The following CHL1 variants were observed in gnomAD, a reference collection of about 807,000 sequenced individuals.
CHL1 encodes the protein cell adhesion molecule L1 like.
In CHL1, 96 loss-of-function variants were observed where a neutral mutation model predicts 141.9. The ratio of observed to expected loss-of-function variants is 0.68; its 90% CI spans 0.57 to 0.80. The LOEUF (loss-of-function observed/expected upper bound fraction) is 0.80. CHL1 is among the 30% of genes least tolerant of loss of function. The pLI, the probability that CHL1 is intolerant of heterozygous loss-of-function variation, is 0.00. For missense variants in CHL1, 1,820 were observed against 1,457.2 expected (o/e 1.25, Z -4.05); for synonymous variants, 613 against 502.2 (o/e 1.22, Z -2.95).
intron 2 of CHL1, among the ~76,000 whole-genome samples, chr3:275,255 G>A (rs1370147069): frequency 6.6e-6 from 1 of 152,180 alleles, no homozygotes; most frequent in Non-Finnish European, 1.5e-5. Context: ...TTGCTAACAT[G>A]TTATGGAGGC....
At chr3:203,656 G>A (rs73814176) in intron 1 of CHL1, among the ~76,000 whole-genome samples, 3,587 of 152,312 alleles carry the variant, frequency 0.024, 145 homozygotes, top group African/African-American at 0.081. Flanking sequence ...GGAGGTGGGA[G>A]CAGTAGCTCT....
At chr3:320,261 T>C (rs1012828992) in intron 3 of CHL1, among the ~76,000 whole-genome samples, 1 of 152,060 alleles carries the variant, frequency 6.6e-6, no homozygotes, top group Non-Finnish European at 1.5e-5. Context: ...TTGGATGAAC[T>C]TTGTATTCTT....
At chr3:306,438 T>TA (rs1363298510) in intron 2 of CHL1, among the ~76,000 whole-genome samples, 1 of 152,238 alleles carries the variant, frequency 6.6e-6, no homozygotes, top group Admixed American at 6.5e-5. Flanking sequence ...TGAATTTGAA[T>TA]AAAAAATCCC....
At chr3:244,955 G>T (rs1693020426) in intron 2 of CHL1, among the ~76,000 whole-genome samples, 1 of 152,076 alleles carries the variant, frequency 6.6e-6, no homozygotes, top group Admixed American at 6.6e-5. Context: ...TGGCTGACCT[G>T]TTGGCATATT....
intron 2 of CHL1, among the ~76,000 whole-genome samples, chr3:272,387 T>C (rs1220346391): frequency 1.3e-5 from 2 of 152,214 alleles, no homozygotes; most frequent in South Asian, 2.1e-4. Context: ...GGTTTGGTAA[T>C]AGAAATACTT....
At chr3:238,398 T>A (rs1490976557) in intron 1 of CHL1, among the ~76,000 whole-genome samples, 1 of 148,436 alleles carries the variant, frequency 6.7e-6, no homozygotes, top group Non-Finnish European at 1.5e-5. Context: ...TCAATTGAGA[T>A]CAGATACATT....
rs3931064 is a variant in CHL1 at position 408,392 on chromosome 3, T to A, written c.*2681T>A. 6.6e-6 allele frequency: 1 copy of A among 152,094 alleles called. No homozygotes were observed. The highest frequency in any genetic ancestry group is 1.5e-5 in the Non-Finnish European group (1 of 68,030). 9.4% of individuals were successfully genotyped at this position (152,094 alleles called of 1,614,324 possible). On this transcript the variant is annotated 3_prime_UTR_variant, in exon 28 of 28. Transcript: ENST00000256509. ...GGGAAAATCCAAATTCTCTTCCTGG[T>A]TCCAGCACTGATTTTGTACATAAAC...
intron 2 of CHL1, among the ~76,000 whole-genome samples, chr3:284,621 T>A (rs1318298668): frequency 1.3e-5 from 2 of 152,232 alleles, no homozygotes; most frequent in Non-Finnish European, 2.9e-5. Context: ...TGATAAGAAC[T>A]AGTGATTGTT....
intron 1 of CHL1, among the ~76,000 whole-genome samples, chr3:218,949 G>A (rs753366787): frequency 9.2e-5 from 14 of 152,076 alleles, no homozygotes; most frequent in South Asian, 8.3e-4. Context: ...GATCGAGACC[G>A]TCCTGGCTAA....
At chr3:269,663 T>C (rs926453247) in intron 2 of CHL1, among the ~76,000 whole-genome samples, 1 of 152,156 alleles carries the variant, frequency 6.6e-6, no homozygotes, top group Admixed American at 6.5e-5. Flanking sequence ...GTAGCTGGGA[T>C]TACAGGCATG....
At chr3:330,907 C>A (rs1372701695) in intron 5 of CHL1, among the ~76,000 whole-genome samples, 2 of 151,974 alleles carry the variant, frequency 1.3e-5, no homozygotes, top group Non-Finnish European at 2.9e-5. Flanking sequence ...AGAAACAGAC[C>A]ATCACATGTG....
chr3:357,648 A>G (rs907616212), intron 11 of CHL1, among the ~76,000 whole-genome samples: 1 of 152,226 alleles, frequency 6.6e-6, no homozygotes, highest in Non-Finnish European at 1.5e-5. Flanking sequence ...GAAGTATGTC[A>G]GGACTAGTGT....
chr3:346,175 C>G (rs939058120), intron 9 of CHL1, among the ~76,000 whole-genome samples: 1 of 152,164 alleles, frequency 6.6e-6, no homozygotes, highest in Non-Finnish European at 1.5e-5. Context: ...GGTTTTACAG[C>G]CCCTAAGCTT....
In CHL1 at chr3:328,152, AG is replaced by A; in HGVS notation, c.198-14del. On this transcript the variant is annotated splice_polypyrimidine_tract_variant and intron_variant, in intron 4 of 27. Coordinates refer to ENST00000256509, the MANE Select transcript of CHL1 (RefSeq NM_006614.4). ...ATTATTTTTCAGGATTATTAAGTTC[AG>A]TTTTATGTTTTAGATTTTCGTGGAC... 6.3e-7 allele frequency: 1 copy of A among 1,588,128 alleles called. No homozygotes were observed. Among genetic ancestry groups the A allele is most frequent in the Middle Eastern group, 1.7e-4 (1 of 5,952 alleles).
intron 3 of CHL1, among the ~76,000 whole-genome samples, chr3:325,679 T>A (rs1700947608): frequency 1.3e-5 from 2 of 152,030 alleles, no homozygotes; most frequent in Non-Finnish European, 2.9e-5. Context: ...ATTTTTAAAT[T>A]GTGATGACAT....
Position 326,060 on chromosome 3 carries a change from C to A in CHL1, c.193C>A (p.Pro65Thr). ...ATGTGAAGCTAAAGGAAATCCAGAA[C>A]CAACGTGAGTATTGTTTCAAACGAA... ...IECEAKGNPE[P>T]TFSWTKDGNP... The change falls in exon 4 of 28, where the codon CCA (proline) becomes ACA (threonine). Residue 65 changes from proline to threonine, a missense_variant. Transcript: ENST00000256509. 1.3e-6 allele frequency: 2 copies of A among 1,598,840 alleles called. No homozygotes were observed. The highest frequency in any genetic ancestry group is 1.7e-6 in the Non-Finnish European group (2 of 1,167,242).
At chr3:364,176 C>T (rs767697148) in intron 14 of CHL1, among the ~76,000 whole-genome samples, 5 of 151,830 alleles carry the variant, frequency 3.3e-5, no homozygotes, top group Non-Finnish European at 5.9e-5. Flanking sequence ...TCCTGTTTTC[C>T]TTTTCTTTTG....
chr3:308,108 T>C (rs1478190152), intron 2 of CHL1, among the ~76,000 whole-genome samples: 2 of 152,218 alleles, frequency 1.3e-5, no homozygotes, highest in Non-Finnish European at 2.9e-5. Context: ...TTCAGATCCA[T>C]ATTTACTTTA....
chr3:297,443 G>A (rs992481956), intron 2 of CHL1, among the ~76,000 whole-genome samples: 1 of 152,100 alleles, frequency 6.6e-6, no homozygotes, highest in Non-Finnish European at 1.5e-5. Flanking sequence ...CAGGTTTAAT[G>A]TAAAATGAGA....
Sources: gnomAD v4.1 joint callset for allele counts (sites outside exome capture counted in the v4.1 genomes callset) on GRCh38, gnomAD v4.1.1 for gene constraint, MANE v1.5 for transcripts, NCBI Gene and HGNC (gene_info 2026-07-23, HGNC 2026-07-21) for gene names.